HIP1R: variants seen among roughly 807,000 people sequenced by gnomAD.
HIP1R encodes the protein huntingtin-interacting protein 1-related protein.
In HIP1R, 135 loss-of-function variants were observed where a neutral mutation model predicts 144.2. The ratio of observed to expected loss-of-function variants is 0.94; its 90% CI spans 0.81 to 1.08. HIP1R has a LOEUF of 1.08. Ranked by LOEUF, HIP1R falls within the 50% of genes least tolerant of loss-of-function variation. The pLI, the probability that HIP1R is intolerant of heterozygous loss-of-function variation, is 0.00. For synonymous variants in HIP1R, 698 were observed against 612.8 expected (o/e 1.14, Z -2.05); for missense variants, 1,462 against 1,432.8 (o/e 1.02, Z -0.33).
At chr12:122,853,917 C>A in intron 7 of HIP1R, 126 bp from the exon 8 acceptor site, 1 of 1,154,642 alleles carries the variant, frequency 8.7e-7, no homozygotes, top group East Asian at 2.6e-5. Flanking sequence ...AGGCTCCCGT[C>A]TTGGAGGCAG....
At chr12:122,849,069 G>T (rs1164394055) in intron 4 of HIP1R, among the ~76,000 whole-genome samples, 1 of 152,250 alleles carries the variant, frequency 6.6e-6, no homozygotes. Context: ...CAGCGTCGAA[G>T]TCACCCGGGC....
rs767613299 is a variant in HIP1R, at chr12:122,856,093, C to T, written c.1242C>T (p.His414=). 24 of 1,585,706 alleles carry T rather than the reference C, an allele frequency of 1.5e-5. No individual in the cohort carries two copies. Among genetic ancestry groups the T allele is most frequent in the East Asian group, 2.3e-5 (1 of 43,552 alleles). The change falls in exon 14 of 32, where the codon CAC becomes CAT. Residue 414 remains histidine, a synonymous_variant. Transcript: ENST00000253083. Reference sequence around the variant, plus strand: ...TGGTGGATAATGAGCAGCTCCGCCACGAGCTGGCCCAGCTGAGGGCTGCCC... The same window carrying T: ...TGGTGGATAATGAGCAGCTCCGCCATGAGCTGGCCCAGCTGAGGGCTGCCC... ...KALVDNEQLR[H]ELAQLRAAQL...
Position 122,856,683 on chromosome 12 carries a change from G to A in HIP1R, c.1577G>A (p.Gly526Glu). Residue 526 changes from glycine to glutamate, a missense_variant, in exon 17 of 32, where the codon GGA becomes GAA. Coordinates refer to ENST00000253083, the MANE Select transcript of HIP1R (RefSeq NM_003959.3). ...AAGAGGGAGCTGGAGGCCAAGGCCG[G>A]AGAGCTGGCCCGCGCGCAGGAGGCC... Reference protein sequence around the residue: ...KLKRELEAKAGELARAQEALS... With the variant: ...KLKRELEAKAEELARAQEALS... The A allele has an allele frequency of 6.3e-7, 1 of 1,599,426 alleles. No homozygotes were observed. Among genetic ancestry groups the A allele is most frequent in the East Asian group, 2.3e-5 (1 of 44,422 alleles).
intron 2 of HIP1R, 119 bp from the exon 3 acceptor site, chr12:122,848,347 G>A (rs1231678606): frequency 1.6e-6 from 2 of 1,281,004 alleles, no homozygotes; most frequent in Non-Finnish European, 2.2e-6. Flanking sequence ...GGTGACCCGG[G>A]GTTGATGGGC....
At chr12:122,841,778 C>T (rs576133159) in intron 1 of HIP1R, among the ~76,000 whole-genome samples, 29 of 152,238 alleles carry the variant, frequency 1.9e-4, no homozygotes, top group African/African-American at 5.5e-4. Flanking sequence ...AGAGGGGTGA[C>T]GCAGGAACAG....
At chr12:122,841,697 G>A (rs953605695) in intron 1 of HIP1R, among the ~76,000 whole-genome samples, 4 of 152,190 alleles carry the variant, frequency 2.6e-5, no homozygotes, top group African/African-American at 7.2e-5. Flanking sequence ...GGTTTGTGGA[G>A]TGATGTCACC....
At chr12:122,838,309 A>T (rs1480432010) in intron 1 of HIP1R, among the ~76,000 whole-genome samples, 1 of 149,586 alleles carries the variant, frequency 6.7e-6, no homozygotes, top group Non-Finnish European at 1.5e-5. Context: ...CTATGACTTT[A>T]GTCCCTTTGG....
At position 122,849,886 on chromosome 12, in the gene HIP1R, T is replaced by A; in HGVS notation, c.369T>A (p.His123Gln). The change falls in exon 5 of 32, where the codon CAT (histidine) becomes CAA (glutamine). Residue 123 changes from histidine (H) to glutamine (Q), a missense_variant. Around this residue, in one of 2 missense-constraint regions of HIP1R, gnomAD observed 350 missense variants for 421.1 expected, o/e 0.83. Coordinates refer to ENST00000253083, the MANE Select transcript of HIP1R (RefSeq NM_003959.3). The stretch of plus-strand genomic sequence containing the variant: ...CTGTCTTCACACAGGGACATTTGCA[T>A]GACCGCTACGGACAGCTGGTGAATG... ...REIGDLWGHL[H>Q]DRYGQLVNVY... The A allele has an allele frequency of 6.2e-7, 1 of 1,613,194 alleles. No individual in the cohort carries two copies. Among genetic ancestry groups the A allele is most frequent in the Non-Finnish European group, 8.5e-7 (1 of 1,179,626 alleles).
intron 1 of HIP1R, among the ~76,000 whole-genome samples, chr12:122,838,007 C>G (rs1401070587): frequency 6.6e-6 from 1 of 152,162 alleles, no homozygotes; most frequent in Non-Finnish European, 1.5e-5. Flanking sequence ...GCATTGACCA[C>G]AGCACTGTGT....
chr12:122,857,259 G>A (rs1390256051), intron 18 of HIP1R, 44 bp downstream of exon 18: 29 of 1,510,536 alleles, frequency 1.9e-5, no homozygotes, highest in Admixed American at 3.9e-5. Context: ...GTTCACTGCC[G>A]TCTGGCAACC....
In HIP1R at chr12:122,856,559, T is replaced by A; in HGVS notation, c.1518+11T>A. On this transcript the variant is annotated intron_variant, in intron 16 of 31. Transcript: ENST00000253083. ...GAGTCGGAGTTGAAGGTATGTCCCT[T>A]GTGGCACAGGGCCCTGCCCCGGCAT... The A allele has an allele frequency of 6.3e-7, 1 of 1,599,676 alleles. No homozygotes were observed. Among genetic ancestry groups the A allele is most frequent in the Non-Finnish European group, 8.5e-7 (1 of 1,172,586 alleles).
rs748952575 is a variant in HIP1R, at chr12:122,860,518, GC to G, written c.2656del (p.Leu886TrpfsTer38). 6.2e-7 allele frequency: 1 copy of G among 1,610,436 alleles called. No individual in the cohort carries two copies. The highest frequency in any genetic ancestry group is 1.7e-5 in the Admixed American group (1 of 59,998). The part of the protein sequence containing the change: ...SKAVGWGATQ[L>X]VEAADKVVLH... ...AGGCTGTGGGCTGGGGAGCCACACA[GC>G]TGGTGTAGGTTGCCCTGGGTGGGGG... On this transcript the variant is annotated frameshift_variant, in exon 27 of 32. Coordinates refer to ENST00000253083, the MANE Select transcript of HIP1R (RefSeq NM_003959.3). LOFTEE classifies it high-confidence loss of function.
Position 122,840,045 on chromosome 12 carries a change from C to T in HIP1R, c.93+4402C>T, listed in dbSNP as rs2033014950. 6.6e-6 allele frequency among the ~76,000 whole-genome samples: 1 copy of T among 152,260 alleles called. No individual in the cohort carries two copies. Among genetic ancestry groups the T allele is most frequent in the African/African-American group, 2.4e-5 (1 of 41,474 alleles). ...TGTTCCTGGGCATGCGCACTGCTGT[C>T]TCGCCCCGTGACATCCTCTGCTCGG... On this transcript the variant is annotated intron_variant, in intron 1 of 31. Transcript: ENST00000253083. This position sits in a 1 kb window ranked among gnomAD's most constrained non-coding sequence, Gnocchi z 4.2.
At chr12:122,853,739 T>C in intron 7 of HIP1R, 1 of 310,542 alleles carries the variant, frequency 3.2e-6, no homozygotes, top group Non-Finnish European at 5.9e-6. Flanking sequence ...GGCATGGAGC[T>C]ATCCGTCACC....
At chr12:122,858,783 G>A (rs2033674278) in intron 20 of HIP1R, 55 bp from the exon 21 acceptor site, 1 of 1,252,562 alleles carries the variant, frequency 8.0e-7, no homozygotes, top group Non-Finnish European at 1.2e-6. Context: ...GGTGGTCCCA[G>A]TGCTAGTGTC....
At chr12:122,851,378 T>C in intron 7 of HIP1R, 81 bp downstream of exon 7, 2 of 1,218,764 alleles carry the variant, frequency 1.6e-6, no homozygotes, top group Non-Finnish European at 2.2e-6. Flanking sequence ...AAAGAAGACA[T>C]GAGTGATCAG....
In HIP1R at chr12:122,835,490, C is replaced by G. The variant is rs1295523855; in HGVS notation, c.-61C>G. ...CTCGCGGTGCCTAGGCTGGGGCTGCCGGACCGTGAGGCTGTGAGTCGCGCG... is the reference window on the plus strand; with the variant it reads ...CTCGCGGTGCCTAGGCTGGGGCTGCGGGACCGTGAGGCTGTGAGTCGCGCG... On this transcript the variant is annotated 5_prime_UTR_variant, in exon 1 of 32. Coordinates refer to ENST00000253083, the MANE Select transcript of HIP1R (RefSeq NM_003959.3). 73 of 1,231,004 alleles carry G rather than the reference C, an allele frequency of 5.9e-5. No homozygotes were observed. The highest frequency in any genetic ancestry group is 7.3e-5 in the Non-Finnish European group (72 of 980,348). 76.3% of individuals were successfully genotyped at this position (1,231,004 alleles called of 1,614,324 possible).
At chr12:122,859,251 G>GCACC in intron 22 of HIP1R, 54 bp downstream of exon 22, 1 of 1,542,412 alleles carries the variant, frequency 6.5e-7, no homozygotes, top group African/African-American at 1.4e-5. Context: ...TCTGACCTCT[G>GCACC]CACCCACCTC....
chr12:122,837,172 G>A lies in HIP1R; in HGVS notation c.93+1529G>A, dbSNP rs138513220. On this transcript the variant is annotated intron_variant, in intron 1 of 31. Transcript: ENST00000253083. ...GTATAAAGAGGTCTGATTGCTACAT[G>A]GAGGAGATGGGATGTGAAGGACCAA... Among the ~76,000 whole-genome samples the A allele has an allele frequency of 5.9e-5, 9 of 152,272 alleles. No individual in the cohort carries two copies. In the East Asian group the frequency reaches 1.7e-3, roughly 29 times the overall value.
Sources: allele counts gnomAD v4.1 joint callset (sites outside exome capture counted in the v4.1 genomes callset), GRCh38; gene constraint gnomAD v4.1.1; regional missense constraint gnomAD v4.1.1; non-coding constraint Gnocchi (gnomAD v3.1); transcripts MANE v1.5; gene names NCBI Gene and HGNC (gene_info 2026-07-23, HGNC 2026-07-21).